TMEM272: variants seen among roughly 807,000 people sequenced by gnomAD.
The protein encoded by TMEM272 is long intergenic non-protein coding RNA 282.
In TMEM272, 8 loss-of-function variants were observed where a neutral mutation model predicts 3.7. The observed-to-expected ratio is 2.17, with a 90% confidence interval of 1.27 to 3.91. The LOEUF is 3.91. Among genes scored for constraint, TMEM272 ranks in the 30% most tolerant of loss-of-function variants. TMEM272 has a pLI of 0.00. For missense variants in TMEM272, 166 were observed against 91.5 expected, an observed-to-expected ratio of 1.81 and a Z score of -3.32; for synonymous variants, 63 against 39.8, an observed-to-expected ratio of 1.58 and a Z score of -2.20.
chr13:51,873,884 TGGCTGCCCAGCACCTTTGG>T, the TMEM272 span, among the ~76,000 whole-genome samples: 4 of 152,334 alleles, frequency 2.6e-5, 1 homozygote, highest in East Asian at 7.7e-4. Context: ...AAAGGCTTTG[TGGCTGCCCAGCACCTTTGG>T]AACACCCTTC....
chr13:51,850,862 G>A, the TMEM272 span, among the ~76,000 whole-genome samples: 21 of 152,238 alleles, frequency 1.4e-4, no homozygotes, highest in African/African-American at 5.1e-4. Flanking sequence ...TAACAGTACA[G>A]CACTTCTACA....
At chr13:51,823,482 A>C (rs1956098073) in intron 3 of TMEM272, among the ~76,000 whole-genome samples, 1 of 152,264 alleles carries the variant, frequency 6.6e-6, no homozygotes, top group African/African-American at 2.4e-5. Flanking sequence ...AGATTGAAGC[A>C]GACTGGACTA....
At chr13:51,830,237 G>A (rs1443602314) in intron 2 of TMEM272, among the ~76,000 whole-genome samples, 1 of 152,160 alleles carries the variant, frequency 6.6e-6, no homozygotes, top group Non-Finnish European at 1.5e-5. Flanking sequence ...TAATTCTCAG[G>A]CCCAGCTGAA....
At chr13:51,927,980 G>A in the TMEM272 span, among the ~76,000 whole-genome samples, 3 of 152,050 alleles carry the variant, frequency 2.0e-5, no homozygotes, top group South Asian at 2.1e-4. Context: ...TTTTGAACTC[G>A]GGTCTGCCCC....
chr13:51,846,616 C>A (rs1956307765), upstream of TMEM272, among the ~76,000 whole-genome samples: 1 of 152,210 alleles, frequency 6.6e-6, no homozygotes, highest in Non-Finnish European at 1.5e-5. Flanking sequence ...TCAGGCAGGT[C>A]TTTCAGGAGG....
the TMEM272 span, chr13:51,865,570 C>T: frequency 6.2e-7 from 1 of 1,614,202 alleles, no homozygotes; most frequent in South Asian, 1.1e-5. Context: ...AAATAGAGGA[C>T]TTCAGGGAAG....
chr13:51,873,853 G>C, the TMEM272 span, among the ~76,000 whole-genome samples: 2 of 152,222 alleles, frequency 1.3e-5, no homozygotes, highest in Non-Finnish European at 2.9e-5. Flanking sequence ...GAAGAGAGCA[G>C]AGACTATGCA....
At chr13:51,898,296 C>T in the TMEM272 span, among the ~76,000 whole-genome samples, 7 of 151,840 alleles carry the variant, frequency 4.6e-5, no homozygotes, top group African/African-American at 1.2e-4. Flanking sequence ...CATAAACATG[C>T]AGAAATACAA....
chr13:51,914,576 G>A, the TMEM272 span, among the ~76,000 whole-genome samples: 1 of 152,234 alleles, frequency 6.6e-6, no homozygotes, highest in African/African-American at 2.4e-5. Context: ...TGTAAGGCGG[G>A]CGATGGAGCT....
chr13:51,892,845 C>T, the TMEM272 span, among the ~76,000 whole-genome samples: 1 of 152,180 alleles, frequency 6.6e-6, no homozygotes, highest in Non-Finnish European at 1.5e-5. Context: ...TGGCTTCCTG[C>T]AGTTGCTAAT....
the TMEM272 span, among the ~76,000 whole-genome samples, chr13:51,914,271 T>C: frequency 1.3e-5 from 2 of 152,180 alleles, no homozygotes; most frequent in South Asian, 2.1e-4. Flanking sequence ...ATTTAATCCA[T>C]GAATAACTCG....
chr13:51,834,199 G>A (rs540449093), intron 2 of TMEM272, among the ~76,000 whole-genome samples: 182 of 152,320 alleles, frequency 1.2e-3, no homozygotes, highest in Non-Finnish European at 6.8e-4. Flanking sequence ...GCTTGGAAGA[G>A]GGGCGCACTT....
chr13:51,889,624 TTG>T, the TMEM272 span, among the ~76,000 whole-genome samples: 1 of 148,098 alleles, frequency 6.8e-6, no homozygotes, highest in Non-Finnish European at 1.5e-5. Flanking sequence ...ATTTGTTTTT[TTG>T]TGTGTGTGTG....
rs547982673 is a variant in TMEM272 at position 51,834,429 on chromosome 13, T to G, written c.58+4044A>C. ...TCGTGTGACCCACAAAGCCCAGGGT[T>G]GATGTTCCTGGTACTCTGGCAAGTA... On this transcript the variant is annotated intron_variant, in intron 2 of 4. Transcript: ENST00000629372. Among the ~76,000 whole-genome samples, 38 of 152,300 alleles carry G rather than the reference T, an allele frequency of 2.5e-4. 1 individual carries two copies. The South Asian group carries it at 7.9e-3, about 32-fold the overall frequency.
chr13:51,893,020 C>T, the TMEM272 span, among the ~76,000 whole-genome samples: 3 of 152,298 alleles, frequency 2.0e-5, no homozygotes, highest in East Asian at 5.8e-4. Flanking sequence ...TCAGCTCTTC[C>T]CATTTTCTGA....
chr13:51,847,504 T>C (rs1956312950), upstream of TMEM272, among the ~76,000 whole-genome samples: 1 of 152,218 alleles, frequency 6.6e-6, no homozygotes, highest in South Asian at 2.1e-4. Flanking sequence ...ACTGGGTGTG[T>C]AGTAGGCTAT....
At chr13:51,865,739 T>G in the TMEM272 span, 1 of 1,614,056 alleles carries the variant, frequency 6.2e-7, no homozygotes, top group African/African-American at 1.3e-5. Flanking sequence ...AGAGAAAACT[T>G]TCTGGAAAAA....
intron 2 of TMEM272, among the ~76,000 whole-genome samples, chr13:51,828,091 G>A (rs1956143107): frequency 6.6e-6 from 1 of 152,096 alleles, no homozygotes; most frequent in Admixed American, 6.5e-5. Flanking sequence ...AAAGAAACTG[G>A]GTCCTCAGAG....
At chr13:51,833,758 T>C (rs971678723) in intron 2 of TMEM272, among the ~76,000 whole-genome samples, 1 of 152,228 alleles carries the variant, frequency 6.6e-6, no homozygotes, top group Non-Finnish European at 1.5e-5. Context: ...CAGTTGTTCA[T>C]GTAACAGGAC....
Sources: gnomAD v4.1 joint callset for allele counts (sites outside exome capture counted in the v4.1 genomes callset) on GRCh38, gnomAD v4.1.1 for gene constraint, MANE v1.5 for transcripts, NCBI Gene and HGNC (gene_info 2026-07-23, HGNC 2026-07-21) for gene names.